TLR6: variants seen among roughly 807,000 people sequenced by gnomAD.
TLR6 encodes the protein toll like receptor 6, also known as toll-like receptor 6.
TLR6 carries 9 observed loss-of-function variants against 16.1 expected under a neutral mutation model. The observed-to-expected ratio is 0.56, with a 90% CI of 0.34 to 0.98. The LOEUF is 0.98. Among genes scored for constraint, TLR6 ranks in the 50% least tolerant of loss-of-function variants. The pLI is 0.02. For synonymous variants in TLR6, 340 were observed against 338.6 expected (o/e 1.00, Z -0.04); for missense variants, 786 against 921.0 (o/e 0.85, Z 1.90).
chr4:38,844,920 G>T (rs533369065), intron 1 of TLR6, among the ~76,000 whole-genome samples: 183 of 152,150 alleles, frequency 1.2e-3, no homozygotes, highest in African/African-American at 4.3e-3. Context: ...TTAGCCAGGC[G>T]TGGTGGTACA....
chr4:38,835,486 T>A (rs997680591), intron 1 of TLR6, among the ~76,000 whole-genome samples: 2 of 152,090 alleles, frequency 1.3e-5, no homozygotes, highest in African/African-American at 4.8e-5. Flanking sequence ...TATTATTAGA[T>A]CAAAAGAGAG....
At chr4:38,833,996 G>A (rs781468444) in intron 1 of TLR6, among the ~76,000 whole-genome samples, 1 of 151,806 alleles carries the variant, frequency 6.6e-6, no homozygotes, top group Non-Finnish European at 1.5e-5. Context: ...GGAGGCTGAG[G>A]TGGGTGGATC....
At chr4:38,851,587 T>C (rs111241228) in intron 1 of TLR6, among the ~76,000 whole-genome samples, 4,723 of 152,066 alleles carry the variant, frequency 0.031, 214 homozygotes, top group African/African-American at 0.087. Context: ...TTCTTATACA[T>C]CAATAACAGA....
chr4:38,853,865 T>C (rs1004484418), intron 1 of TLR6, among the ~76,000 whole-genome samples: 1 of 152,342 alleles, frequency 6.6e-6, no homozygotes, highest in South Asian at 2.1e-4. Context: ...AATAGTACTA[T>C]GTAGCCTTTA....
At chr4:38,832,500 TG>T (rs1201343525) in intron 1 of TLR6, among the ~76,000 whole-genome samples, 3 of 152,204 alleles carry the variant, frequency 2.0e-5, no homozygotes, top group Non-Finnish European at 2.9e-5. Context: ...TCACATGCCC[TG>T]GGGCTGTCTG....
intron 1 of TLR6, among the ~76,000 whole-genome samples, chr4:38,836,914 T>G (rs1277499996): frequency 1.4e-5 from 2 of 145,682 alleles, no homozygotes; most frequent in East Asian, 2.0e-4. Context: ...CACTCCAGAC[T>G]GGGTGACAGA....
intron 1 of TLR6, among the ~76,000 whole-genome samples, chr4:38,843,234 A>T (rs988323027): frequency 2.0e-5 from 3 of 152,230 alleles, no homozygotes; most frequent in Admixed American, 6.5e-5. Context: ...GAGACAAAGG[A>T]CTGGAACTGC....
chr4:38,823,300 T>G (rs143628051), downstream of TLR6, among the ~76,000 whole-genome samples: 607 of 152,360 alleles, frequency 4.0e-3, 6 homozygotes, highest in African/African-American at 0.014. Flanking sequence ...AGCATTGTGT[T>G]ACAATCACCT....
chr4:38,832,787 G>T (rs769416465), intron 1 of TLR6, among the ~76,000 whole-genome samples: 6 of 152,070 alleles, frequency 3.9e-5, no homozygotes, highest in Non-Finnish European at 4.4e-5. Context: ...GCAATGCCCC[G>T]CATCCCAGGA....
chr4:38,825,520 C>A (rs1488001640), exon 2 of TLR6: 1 of 152,242 alleles, frequency 6.6e-6, no homozygotes, highest in East Asian at 1.9e-4. Context: ...CATGATCCTG[C>A]CAGCTGCTAT....
At chr4:38,858,190 G>A (rs1713066259), upstream of TLR6, among the ~76,000 whole-genome samples, 4 of 152,194 alleles carry the variant, frequency 2.6e-5, no homozygotes, top group African/African-American at 9.7e-5. Context: ...GAAACAGACA[G>A]TACTGGGCCG....
rs779010378 is a variant in TLR6, at chr4:38,832,136, C to G, written c.-64-2599G>C. On this transcript the variant is annotated intron_variant, in intron 1 of 1. Coordinates refer to ENST00000436693, the Ensembl canonical transcript of TLR6. ...AGATAAAAATATTAACAAACTGGTA[C>G]ATTCACACAATAAAATACTATTGAA... Among the ~76,000 whole-genome samples, 166 of 152,208 alleles carry G rather than the reference C, an allele frequency of 1.1e-3. 1 individual carries two copies. The highest frequency in any genetic ancestry group is 2.1e-4 in the Non-Finnish European group (14 of 68,030).
intron 1 of TLR6, among the ~76,000 whole-genome samples, chr4:38,835,978 T>C (rs1474531842): frequency 6.6e-6 from 1 of 152,046 alleles, no homozygotes; most frequent in Non-Finnish European, 1.5e-5. Context: ...AAAACAATGC[T>C]AAGATGGAAA....
intron 1 of TLR6, among the ~76,000 whole-genome samples, chr4:38,851,338 T>C (rs1204151968): frequency 6.6e-6 from 1 of 152,164 alleles, no homozygotes; most frequent in Non-Finnish European, 1.5e-5. Flanking sequence ...AGATGCCCCC[T>C]CTCACCACTC....
At chr4:38,832,553 T>C (rs904201281) in intron 1 of TLR6, among the ~76,000 whole-genome samples, 13 of 152,106 alleles carry the variant, frequency 8.5e-5, no homozygotes, top group Admixed American at 8.5e-4. Context: ...GACTTCACAT[T>C]GGGTCCCACA....
chr4:38,832,930 A>C (rs1368027961), intron 1 of TLR6, among the ~76,000 whole-genome samples: 1 of 151,680 alleles, frequency 6.6e-6, no homozygotes, highest in Admixed American at 6.6e-5. Flanking sequence ...TAGCAGCAGG[A>C]CTACGACACA....
In TLR6 at chr4:38,832,265, C is replaced by T. The variant is rs530675882; in HGVS notation, c.-64-2728G>A. Reference sequence around the variant, plus strand: ...CCAAAACAGTGAGCAGATAATCACACATTGAATGAGCATCTAAGAGAGAAC... The same window carrying T: ...CCAAAACAGTGAGCAGATAATCACATATTGAATGAGCATCTAAGAGAGAAC... On this transcript the variant is annotated intron_variant, in intron 1 of 1. Transcript: ENST00000436693. Among the ~76,000 whole-genome samples, 7 of 152,264 alleles carry T rather than the reference C, an allele frequency of 4.6e-5. No homozygotes were observed. The South Asian group carries it at 1.5e-3, about 32-fold the overall frequency.
the TLR6 span, among the ~76,000 whole-genome samples, chr4:38,865,045 A>G: frequency 3.9e-5 from 6 of 152,216 alleles, no homozygotes; most frequent in Non-Finnish European, 8.8e-5. Flanking sequence ...TGGGAGGGAT[A>G]TACAACCACC....
At chr4:38,847,490 G>T (rs1579257270) in intron 1 of TLR6, among the ~76,000 whole-genome samples, 1 of 134,186 alleles carries the variant, frequency 7.5e-6, no homozygotes, top group African/African-American at 2.9e-5. Context: ...GTGAGGCATT[G>T]CCTCACCCGG....
Sources: allele counts gnomAD v4.1 joint callset (sites outside exome capture counted in the v4.1 genomes callset), GRCh38; gene constraint gnomAD v4.1.1; transcripts MANE v1.5; gene names NCBI Gene and HGNC (gene_info 2026-07-23, HGNC 2026-07-21).